ZNF891: variants seen among roughly 807,000 people sequenced by gnomAD.
ZNF891 encodes hCG1646157.
For synonymous variants in ZNF891, 199 were observed against 209.0 expected (o/e 0.95, Z 0.41); for missense variants, 589 against 632.7 (o/e 0.93, Z 0.74).
chr12:133,106,774 C>A lies in ZNF891; in HGVS notation c.*13510G>T. On this transcript the variant is annotated 3_prime_UTR_variant, in exon 2 of 2. Transcript: ENST00000537226. ...AAGTGATGACTGTGAAGTAATATGG[C>A]CCACACTTTATTCACCACCCTGGAG... is the stretch of plus-strand genomic sequence containing the variant. 2.3e-6 allele frequency: 2 copies of A among 870,456 alleles called. No individual in the cohort carries two copies. The highest frequency in any genetic ancestry group is 3.3e-6 in the Non-Finnish European group (2 of 607,512). The allele number at this position is 870,456 out of a possible 1,614,324, so 53.9% of individuals were successfully genotyped here.
rs1256528169 is a variant in ZNF891 at position 133,115,650 on chromosome 12, T to C, written c.*4634A>G. On this transcript the variant is annotated 3_prime_UTR_variant, in exon 2 of 2. Transcript: ENST00000537226. Reference sequence around the variant, plus strand: ...TGTTTTGTTTTTTAATAGGATACCATGGCAGCTGCATAGAAAACATACTAA... The same window carrying C: ...TGTTTTGTTTTTTAATAGGATACCACGGCAGCTGCATAGAAAACATACTAA... The C allele has an allele frequency of 6.6e-6, 1 of 152,092 alleles. No homozygotes were observed. Among genetic ancestry groups the C allele is most frequent in the Non-Finnish European group, 1.5e-5 (1 of 68,040 alleles). The allele number at this position is 152,092 out of a possible 1,614,324, so 9.4% of individuals were successfully genotyped here. A position where few individuals can be genotyped will look rare whatever the true frequency, so the allele number is the denominator to read the frequency against.
In ZNF891 at chr12:133,110,251, G is replaced by A. The variant is rs909427873; in HGVS notation, c.*10033C>T. The A allele has an allele frequency of 6.6e-6, 1 of 152,194 alleles. No homozygotes were observed. The highest frequency in any genetic ancestry group is 6.5e-5 in the Admixed American group (1 of 15,270). The allele number at this position is 152,194 out of a possible 1,614,324, so 9.4% of individuals were successfully genotyped here. On this transcript the variant is annotated 3_prime_UTR_variant, in exon 2 of 2. Coordinates refer to ENST00000537226, the MANE Select transcript of ZNF891 (RefSeq NM_001277291.2). Reference sequence around the variant, plus strand: ...AAGGAGGGAGACGTTTAAAAGATGAGTCTAGGAATATTGCAAAAGTAGTAA... The same window carrying A: ...AAGGAGGGAGACGTTTAAAAGATGAATCTAGGAATATTGCAAAAGTAGTAA...
At chr12:133,128,641 A>C (rs914762077) in intron 1 of ZNF891, among the ~76,000 whole-genome samples, 1 of 152,100 alleles carries the variant, frequency 6.6e-6, no homozygotes, top group Non-Finnish European at 1.5e-5. Context: ...CTCAAAAACA[A>C]ACAAACAAAC....
At position 133,118,572 on chromosome 12, in the gene ZNF891, A is replaced by G. The variant is rs1254997195; in HGVS notation, c.*1712T>C. 1.3e-5 allele frequency: 2 copies of G among 152,224 alleles called. No homozygotes were observed. The highest frequency in any genetic ancestry group is 1.9e-4 in the East Asian group (1 of 5,192). 9.4% of individuals were successfully genotyped at this position (152,224 alleles called of 1,614,324 possible). On this transcript the variant is annotated 3_prime_UTR_variant, in exon 2 of 2. Transcript: ENST00000537226. The stretch of plus-strand genomic sequence containing the variant: ...TCTTCCACCGTATGCCACTCCTTCC[A>G]TATTTTGTTAGAACTAATCTGGTCA...
chr12:133,120,187 G>A lies in ZNF891; in HGVS notation c.*97C>T, dbSNP rs1955741251. 1 of 990,038 alleles carries A rather than the reference G, an allele frequency of 1.0e-6. No homozygotes were observed. The highest frequency in any genetic ancestry group is 2.7e-5 in the East Asian group (1 of 37,508). 61.3% of individuals were successfully genotyped at this position (990,038 alleles called of 1,614,324 possible). On this transcript the variant is annotated 3_prime_UTR_variant, in exon 2 of 2. Transcript: ENST00000537226. ...TGTTATATTAAAAAAAGAGCCATTTGTAACCTTAAATCGTTCTTTTAGAGA... is the reference window on the plus strand; with the variant it reads ...TGTTATATTAAAAAAAGAGCCATTTATAACCTTAAATCGTTCTTTTAGAGA...
intron 1 of ZNF891, chr12:133,126,027 C>T: frequency 3.9e-6 from 1 of 255,010 alleles, no homozygotes; most frequent in Non-Finnish European, 7.9e-6. Context: ...GATTGGTACA[C>T]TGTACTACTA....
rs898421763 is a variant in ZNF891, at chr12:133,108,967, CTGGGCCACATTGGAAGAATTGTCT to C, written c.*11293_*11316del. 2.6e-5 allele frequency: 4 copies of C among 152,164 alleles called. No homozygotes were observed. The highest frequency in any genetic ancestry group is 5.9e-5 in the Non-Finnish European group (4 of 68,026). The allele number at this position is 152,164 out of a possible 1,614,324, so 9.4% of individuals were successfully genotyped here. On this transcript the variant is annotated 3_prime_UTR_variant, in exon 2 of 2. Coordinates refer to ENST00000537226, the MANE Select transcript of ZNF891 (RefSeq NM_001277291.2). ...TCCAGTGTCCAATCTTTTGGCATCC[CTGGGCCACATTGGAAGAATTGTCT>C]TGGGCCACATATAAAATACGTGAAC...
At position 133,116,737 on chromosome 12, in the gene ZNF891, C is replaced by T. The variant is rs568795927; in HGVS notation, c.*3547G>A. 16 of 152,220 alleles carry T rather than the reference C, an allele frequency of 1.1e-4. No homozygotes were observed. Among genetic ancestry groups the T allele is most frequent in the Non-Finnish European group, 1.5e-4 (10 of 68,074 alleles). The allele number at this position is 152,220 out of a possible 1,614,324, so 9.4% of individuals were successfully genotyped here. On this transcript the variant is annotated 3_prime_UTR_variant, in exon 2 of 2. Coordinates refer to ENST00000537226, the MANE Select transcript of ZNF891 (RefSeq NM_001277291.2). ...CTCTTTCATGGTGCCCTCTGAGATT[C>T]CCTTAATAAACTCCCTTAATATCCT...
Position 133,121,374 on chromosome 12 carries a change from G to A in ZNF891, c.545C>T (p.Thr182Ile). 3 of 1,536,092 alleles carry A rather than the reference G, an allele frequency of 2.0e-6. No individual in the cohort carries two copies. The highest frequency in any genetic ancestry group is 2.4e-5 in the East Asian group (1 of 40,908). The change falls in exon 2 of 2, where the codon ACA becomes ATA. Residue 182 changes from threonine to isoleucine, a missense_variant. Coordinates refer to ENST00000537226, the MANE Select transcript of ZNF891 (RefSeq NM_001277291.2). Reference protein sequence around the residue: ...WRQMIYAPKKTVPQELFRDYH... With the variant: ...WRQMIYAPKKIVPQELFRDYH... ...GTCACGGAATAGCTCCTGAGGTACTGTTTTCTTTGGGGCATATATCATTTG... is the reference window on the plus strand; with the variant it reads ...GTCACGGAATAGCTCCTGAGGTACTATTTTCTTTGGGGCATATATCATTTG...
At chr12:133,126,477 A>T in intron 1 of ZNF891, among the ~76,000 whole-genome samples, 1 of 146,606 alleles carries the variant, frequency 6.8e-6, no homozygotes, top group African/African-American at 2.7e-5. Flanking sequence ...CCGTCTCAAA[A>T]AAAAAAAAAA....
rs1171591713 is a variant in ZNF891, at chr12:133,109,281, T to A, written c.*11003A>T. 6.6e-6 allele frequency: 1 copy of A among 152,226 alleles called. No individual in the cohort carries two copies. The highest frequency in any genetic ancestry group is 1.5e-5 in the Non-Finnish European group (1 of 68,042). 9.4% of individuals were successfully genotyped at this position (152,226 alleles called of 1,614,324 possible). ...TAGACTGTAGATGATGCAGAACTTC[T>A]ATAATGAAAGTAAGATCCCAATTTC... On this transcript the variant is annotated 3_prime_UTR_variant, in exon 2 of 2. Coordinates refer to ENST00000537226, the MANE Select transcript of ZNF891 (RefSeq NM_001277291.2).
At position 133,113,267 on chromosome 12, in the gene ZNF891, T is replaced by C. The variant is rs1394596645; in HGVS notation, c.*7017A>G. The C allele has an allele frequency of 6.6e-6, 1 of 151,902 alleles. No individual in the cohort carries two copies. Among genetic ancestry groups the C allele is most frequent in the African/African-American group, 2.4e-5 (1 of 41,412 alleles). 9.4% of individuals were successfully genotyped at this position (151,902 alleles called of 1,614,324 possible). On this transcript the variant is annotated 3_prime_UTR_variant, in exon 2 of 2. Coordinates refer to ENST00000537226, the MANE Select transcript of ZNF891 (RefSeq NM_001277291.2). ...AAAGTATTTATTAAAAAGTTAATGA[T>C]AGAATTATTTTTAAGAAATAGACCA...
At position 133,109,701 on chromosome 12, in the gene ZNF891, G is replaced by T. The variant is rs1334856223; in HGVS notation, c.*10583C>A. 1 of 152,122 alleles carries T rather than the reference G, an allele frequency of 6.6e-6. No homozygotes were observed. The highest frequency in any genetic ancestry group is 1.5e-5 in the Non-Finnish European group (1 of 67,996). 9.4% of individuals were successfully genotyped at this position (152,122 alleles called of 1,614,324 possible). A position where few individuals can be genotyped will look rare whatever the true frequency, so the allele number is the denominator to read the frequency against. ...TTACGGTAGCATTCTTATGCTAAAA[G>T]AAATAATTTTTCAGGCAGTATGAAA... On this transcript the variant is annotated 3_prime_UTR_variant, in exon 2 of 2. Coordinates refer to ENST00000537226, the MANE Select transcript of ZNF891 (RefSeq NM_001277291.2).
chr12:133,111,425 A>C lies in ZNF891; in HGVS notation c.*8859T>G, dbSNP rs1301309488. ...TGAGGTAGGAGGATCACATGAGCCC[A>C]GAAGGTTGAGGTGGCAGTGAGCTGA... is the stretch of plus-strand genomic sequence containing the variant. On this transcript the variant is annotated 3_prime_UTR_variant, in exon 2 of 2. Coordinates refer to ENST00000537226, the MANE Select transcript of ZNF891 (RefSeq NM_001277291.2). 1 of 152,202 alleles carries C rather than the reference A, an allele frequency of 6.6e-6. No homozygotes were observed. Among genetic ancestry groups the C allele is most frequent in the Non-Finnish European group, 1.5e-5 (1 of 68,036 alleles). The allele number at this position is 152,202 out of a possible 1,614,324, so 9.4% of individuals were successfully genotyped here.
At position 133,120,389 on chromosome 12, in the gene ZNF891, G is replaced by A. The variant is rs1213062153; in HGVS notation, c.1530C>T (p.His510=). The A allele has an allele frequency of 6.3e-7, 1 of 1,596,726 alleles. No individual in the cohort carries two copies. ...SSSLRRHVRI[H]TGEKPYECIQ... ...TACATTCATAGGGTTTCTCTCCAGT[G>A]TGAATTCTCACATGCCTCCTAAGGG... Residue 510 remains histidine, a synonymous_variant, in exon 2 of 2, where the codon CAC becomes CAT. Coordinates refer to ENST00000537226, the MANE Select transcript of ZNF891 (RefSeq NM_001277291.2).
rs984345287 is a variant in ZNF891 at position 133,120,021 on chromosome 12, C to G, written c.*263G>C. The stretch of plus-strand genomic sequence containing the variant: ...ACCAACAAAGCAGTAAAATATAGTC[C>G]AGATTCTCTGAACACAATGGAATTA... On this transcript the variant is annotated 3_prime_UTR_variant, in exon 2 of 2. Coordinates refer to ENST00000537226, the MANE Select transcript of ZNF891 (RefSeq NM_001277291.2). 3.2e-6 allele frequency: 1 copy of G among 309,300 alleles called. No individual in the cohort carries two copies. Among genetic ancestry groups the G allele is most frequent in the African/African-American group, 2.2e-5 (1 of 46,408 alleles). 19.2% of individuals were successfully genotyped at this position (309,300 alleles called of 1,614,324 possible).
rs1342727319 is a variant in ZNF891, at chr12:133,120,277, A to G, written c.*7T>C. On this transcript the variant is annotated 3_prime_UTR_variant, in exon 2 of 2. Coordinates refer to ENST00000537226, the MANE Select transcript of ZNF891 (RefSeq NM_001277291.2). ...CAATGAAAACAGCAATTCCACATTC[A>G]TAACACTTACAGGGTTTCTCTCTCA... 45 of 1,519,632 alleles carry G rather than the reference A, an allele frequency of 3.0e-5. No individual in the cohort carries two copies. Among genetic ancestry groups the G allele is most frequent in the Admixed American group, 8.1e-5 (4 of 49,438 alleles). 94.1% of individuals were successfully genotyped at this position (1,519,632 alleles called of 1,614,324 possible). A position where few individuals can be genotyped will look rare whatever the true frequency, so the allele number is the denominator to read the frequency against.
At chr12:133,122,573 G>A (rs1285477457) in intron 1 of ZNF891, among the ~76,000 whole-genome samples, 1 of 152,140 alleles carries the variant, frequency 6.6e-6, no homozygotes. Context: ...CACAGGGTGG[G>A]GAACACGCAC....
At position 133,120,473 on chromosome 12, in the gene ZNF891, G is replaced by T; in HGVS notation, c.1446C>A (p.His482Gln). 6.2e-7 allele frequency: 1 copy of T among 1,603,282 alleles called. No homozygotes were observed. Among genetic ancestry groups the T allele is most frequent in the Non-Finnish European group, 8.5e-7 (1 of 1,175,362 alleles). ...VSSLRMHIRT[H>Q]TGEKPYECKE... ...TACATTCATAGGGTTTCTCTCCAGT[G>T]TGAGTTCTTATATGCATTCTAAGGG... is the stretch of plus-strand genomic sequence containing the variant. Residue 482 changes from histidine (H) to glutamine (Q), a missense_variant, in exon 2 of 2, where the codon CAC becomes CAA. Transcript: ENST00000537226.
Sources: allele counts gnomAD v4.1 joint callset (sites outside exome capture counted in the v4.1 genomes callset), GRCh38; gene constraint gnomAD v4.1.1; transcripts MANE v1.5; gene names NCBI Gene and HGNC (gene_info 2026-07-23, HGNC 2026-07-21).